SLC26A6: variants seen among roughly 807,000 people sequenced by gnomAD.
SLC26A6 encodes anion exchange transporter.
SLC26A6 carries 67 observed loss-of-function variants against 87.1 expected under a neutral mutation model. The ratio of observed to expected loss-of-function variants is 0.77; its 90% confidence interval spans 0.63 to 0.94. SLC26A6 has a LOEUF of 0.94. SLC26A6 is among the 40% of genes least tolerant of loss of function. The probability of loss-of-function intolerance (pLI) is 0.00; values close to 1 mark genes in which losing one functional copy is unlikely to be tolerated. For missense variants in SLC26A6, 902 were observed against 973.0 expected (o/e 0.93, Z 0.97); for synonymous variants, 414 against 405.9 (o/e 1.02, Z -0.24).
intron 7 of SLC26A6, 128 bp downstream of exon 7, chr3:48,631,521 C>T (rs2046791153): frequency 7.8e-7 from 1 of 1,285,204 alleles, no homozygotes; most frequent in Non-Finnish European, 1.1e-6. Flanking sequence ...CTGCTGTGCC[C>T]CCCACAATAC....
At chr3:48,627,204 CAAAGACAGG>C in intron 17 of SLC26A6, 149 bp from the exon 18 acceptor site, 1 of 918,296 alleles carries the variant, frequency 1.1e-6, no homozygotes, top group Non-Finnish European at 1.6e-6. Context: ...CATAGGTGTG[CAAAGACAGG>C]AATGACAGAT....
chr3:48,627,412 C>T (rs1281899595), intron 17 of SLC26A6: 2 of 262,976 alleles, frequency 7.6e-6, no homozygotes, highest in African/African-American at 2.2e-5. Flanking sequence ...ATGCAGACAC[C>T]TCGGCACCCT....
At position 48,633,041 on chromosome 3, in the gene SLC26A6, G is replaced by T. The variant is rs1456940779; in HGVS notation, c.366C>A (p.Gly122=). The change falls in exon 4 of 21, where the codon GGC becomes GGA. Residue 122 remains glycine (G), a synonymous_variant. Transcript: ENST00000395550. ...AGACAGGGTAGAAGGAGCTATAGAG[G>T]CCAAACACGGGGGGCAATCCAGCCA... ...ALLAGLPPVF[G]LYSSFYPVFI... 1.2e-6 allele frequency: 2 copies of T among 1,613,488 alleles called. No individual in the cohort carries two copies. Among genetic ancestry groups the T allele is most frequent in the Admixed American group, 3.3e-5 (2 of 59,968 alleles).
At chr3:48,634,534 T>C (rs1346550970) in intron 1 of SLC26A6, among the ~76,000 whole-genome samples, 2 of 152,104 alleles carry the variant, frequency 1.3e-5, no homozygotes, top group Non-Finnish European at 2.9e-5. Context: ...TACTCTCCCA[T>C]AGAGAAAGCT....
At chr3:48,634,891 C>A (rs1186795314) in intron 1 of SLC26A6, among the ~76,000 whole-genome samples, 1 of 152,194 alleles carries the variant, frequency 6.6e-6, no homozygotes, top group East Asian at 1.9e-4. Flanking sequence ...CTCCCTCCCC[C>A]GACAACTTGG....
chr3:48,633,958 C>A, intron 1 of SLC26A6: 1 of 946,688 alleles, frequency 1.1e-6, no homozygotes, highest in Admixed American at 4.5e-5. Context: ...CCAGGCTGCT[C>A]CCTCCCCCAC....
Position 48,630,994 on chromosome 3 carries a change from T to C in SLC26A6, c.1133A>G (p.Gln378Arg). The change falls in exon 9 of 21, where the codon CAG becomes CGG. Residue 378 changes from glutamine to arginine, a missense_variant and splice_region_variant. Around this residue, in one of 3 missense-constraint regions of SLC26A6, gnomAD observed 800 missense variants for 856.8 expected, o/e 0.93. Transcript: ENST00000395550. ...CTACACATCCCGCATCACCCAGACC[T>C]GGTTGCTGTCCACCCGGTAGCCGTG... ...LRHGYRVDSNQELVALGLSNL... is the reference protein window; with the variant it reads ...LRHGYRVDSNRELVALGLSNL... 1 of 1,613,724 alleles carries C rather than the reference T, an allele frequency of 6.2e-7. No individual in the cohort carries two copies. Among genetic ancestry groups the C allele is most frequent in the South Asian group, 1.1e-5 (1 of 91,086 alleles).
intron 1 of SLC26A6, among the ~76,000 whole-genome samples, chr3:48,635,004 G>A (rs1325411502): frequency 4.6e-5 from 7 of 152,246 alleles, no homozygotes; most frequent in Non-Finnish European, 1.0e-4. Context: ...CAGTGGAGCT[G>A]GGTGGACTCG....
intron 8 of SLC26A6, 22 bp from the exon 9 acceptor site, chr3:48,631,162 C>A (rs1034797014): frequency 6.2e-7 from 1 of 1,613,554 alleles, no homozygotes; most frequent in African/African-American, 1.3e-5. Flanking sequence ...ATCTGTGAGG[C>A]CAAAGCAAGG....
intron 5 of SLC26A6, 57 bp from the exon 6 acceptor site, chr3:48,632,101 G>A (rs1427112752): frequency 6.2e-7 from 1 of 1,606,100 alleles, no homozygotes; most frequent in Non-Finnish European, 8.5e-7. Flanking sequence ...TGCTAATGAG[G>A]AGCGCAGGGC....
intron 10 of SLC26A6, 31 bp downstream of exon 10, chr3:48,630,576 G>A: frequency 6.4e-7 from 1 of 1,561,864 alleles, no homozygotes; most frequent in Non-Finnish European, 8.7e-7. Flanking sequence ...CAATGTGCAT[G>A]CCCACACCCA....
Position 48,625,982 on chromosome 3 carries a change from A to G in SLC26A6, c.*4T>C, listed in dbSNP as rs374028659. 4 of 1,613,838 alleles carry G rather than the reference A, an allele frequency of 2.5e-6. No individual in the cohort carries two copies. Among genetic ancestry groups the G allele is most frequent in the African/African-American group, 2.7e-5 (2 of 74,994 alleles). On this transcript the variant is annotated 3_prime_UTR_variant, in exon 21 of 21. Coordinates refer to ENST00000395550, the MANE Select transcript of SLC26A6 (RefSeq NM_022911.3). This position sits in a 1 kb window ranked among gnomAD's most constrained non-coding sequence, Gnocchi z 4.7. ...GGTGCAGTCTTGGGCAGGATGTAGC[A>G]TGTTCAGAGTCTGGTGACCTGAGCA... is the stretch of plus-strand genomic sequence containing the variant.
rs1206846635 is a variant in SLC26A6, at chr3:48,626,622, C to T, written c.2128+9G>A. On this transcript the variant is annotated intron_variant, in intron 19 of 20. Transcript: ENST00000395550. ...CCCAGGTCCCTCCTGCTGTTCCCACCCTACTCACTGTGGCAGGCCGCCATG... is the reference window on the plus strand; with the variant it reads ...CCCAGGTCCCTCCTGCTGTTCCCACTCTACTCACTGTGGCAGGCCGCCATG... The T allele has an allele frequency of 6.2e-7, 1 of 1,614,056 alleles. No individual in the cohort carries two copies. Among genetic ancestry groups the T allele is most frequent in the African/African-American group, 1.3e-5 (1 of 74,906 alleles).
At position 48,632,345 on chromosome 3, in the gene SLC26A6, G is replaced by A; in HGVS notation, c.485C>T (p.Ala162Val). ...VMVGSVTESLAPQALNDSMIN... is the reference protein window; with the variant it reads ...VMVGSVTESLVPQALNDSMIN... ...CATGGAGTCGTTCAAGGCCTGCGGG[G>A]CCAGGGATTCTGTCACACTGCCCAC... Residue 162 changes from alanine (A) to valine (V), a missense_variant, in exon 5 of 21, where the codon GCC (alanine) becomes GTC (valine). Coordinates refer to ENST00000395550, the MANE Select transcript of SLC26A6 (RefSeq NM_022911.3). The A allele has an allele frequency of 2.5e-6, 4 of 1,612,850 alleles. No individual in the cohort carries two copies. Among genetic ancestry groups the A allele is most frequent in the Non-Finnish European group, 2.5e-6 (3 of 1,179,644 alleles).
Position 48,628,605 on chromosome 3 carries a change from T to A in SLC26A6, c.1692+17A>T. ...GGGAGCTGGGGCCTGACACCCATCC[T>A]GGGGACTCCGTCTCACCCTCTGCTT... is the stretch of plus-strand genomic sequence containing the variant. On this transcript the variant is annotated intron_variant, in intron 15 of 20. Coordinates refer to ENST00000395550, the MANE Select transcript of SLC26A6 (RefSeq NM_022911.3). The surrounding 1 kb of genome is among the most constrained non-coding windows in gnomAD (Gnocchi z 4.4). 6.2e-7 allele frequency: 1 copy of A among 1,613,964 alleles called. No individual in the cohort carries two copies. Among genetic ancestry groups the A allele is most frequent in the Non-Finnish European group, 8.5e-7 (1 of 1,179,978 alleles).
chr3:48,626,215 C>A lies in SLC26A6; in HGVS notation c.2265+3G>T, dbSNP rs201009018. 1.2e-6 allele frequency: 2 copies of A among 1,614,062 alleles called. No individual in the cohort carries two copies. On this transcript the variant is annotated splice_donor_region_variant and intron_variant, in intron 20 of 20. Coordinates refer to ENST00000395550, the MANE Select transcript of SLC26A6 (RefSeq NM_022911.3). Reference sequence around the variant, plus strand: ...GAGCTTGGCAGGCCAGAGGTAGGCTCACCGAAACAGGGCTGTCGGGGACAG... The same window carrying A: ...GAGCTTGGCAGGCCAGAGGTAGGCTAACCGAAACAGGGCTGTCGGGGACAG...
rs766128186 is a variant in SLC26A6 at position 48,630,089 on chromosome 3, G to A, written c.1395C>T (p.Ser465=). Residue 465 remains serine, a synonymous_variant, in exon 12 of 21, where the codon TCC becomes TCT. Coordinates refer to ENST00000395550, the MANE Select transcript of SLC26A6 (RefSeq NM_022911.3). ...GATCCGCCCGATTGGCCTTCCAGAG[G>A]GAGCGCATGTCGCTGAGCTGCCTCA... ...GMLRQLSDMR[S]LWKANRADLL... is the part of the protein sequence containing the mutation. 1 of 1,612,072 alleles carries A rather than the reference G, an allele frequency of 6.2e-7. No homozygotes were observed. The highest frequency in any genetic ancestry group is 1.7e-5 in the Admixed American group (1 of 60,002).
At chr3:48,632,214 T>TG in intron 5 of SLC26A6, 31 bp downstream of exon 5, 1 of 1,566,008 alleles carries the variant, frequency 6.4e-7, no homozygotes, top group Non-Finnish European at 8.7e-7. Context: ...GAAGTGGTGG[T>TG]GGGGGGCACA....
At chr3:48,632,576 G>C in intron 4 of SLC26A6, 180 bp from the exon 5 acceptor site, 2 of 815,498 alleles carry the variant, frequency 2.5e-6, no homozygotes, top group Non-Finnish European at 4.1e-6. Context: ...TAAACCCTGA[G>C]CTCACAGGCC....
Sources: gnomAD v4.1 joint callset for allele counts (sites outside exome capture counted in the v4.1 genomes callset) on GRCh38, gnomAD v4.1.1 for gene constraint, gnomAD v4.1.1 regional missense constraint, Gnocchi (gnomAD v3.1) non-coding constraint, MANE v1.5 for transcripts, NCBI Gene and HGNC (gene_info 2026-07-23, HGNC 2026-07-21) for gene names.